PLXNA3: variants seen among roughly 807,000 people sequenced by gnomAD.
The protein encoded by PLXNA3 is plexin-A3.
In PLXNA3, 52 loss-of-function variants were observed where a neutral mutation model predicts 118.8. The observed-to-expected ratio is 0.44, with a 90% CI of 0.35 to 0.55. The LOEUF (loss-of-function observed/expected upper bound fraction) is 0.55. Among genes scored for constraint, PLXNA3 ranks in the 20% least tolerant of loss-of-function variants. The pLI, the probability that PLXNA3 is intolerant of heterozygous loss-of-function variation, is 0.01. For missense variants in PLXNA3, 1,660 were observed against 1,730.8 expected (o/e 0.96, Z 0.73); for synonymous variants, 925 against 762.4 (o/e 1.21, Z -3.51).
At chrX:154,459,202 C>G (rs1357842520) in intron 1 of PLXNA3, among the ~76,000 whole-genome samples, 1 of 105,791 alleles carries the variant, frequency 9.5e-6, no homozygotes, top group African/African-American at 3.5e-5. Context: ...TGGGTACCTC[C>G]TATCTCCCCC....
At position 154,460,444 on chromosome X, in the gene PLXNA3, C is replaced by G. The variant is rs782772377; in HGVS notation, c.261C>G (p.Ala87=). 8 of 1,203,645 alleles carry G rather than the reference C, an allele frequency of 6.6e-6. No homozygotes were observed. Among genetic ancestry groups the G allele is most frequent in the Non-Finnish European group, 7.9e-6 (7 of 890,397 alleles). Residue 87 remains alanine, a synonymous_variant, in exon 2 of 33, where the codon GCC becomes GCG. Transcript: ENST00000369682. ...CGCCCCCCAGCATGCGCGTGTGTGCCCACCGCCTGGCCCCCGTGGACAACA... is the reference window on the plus strand; with the variant it reads ...CGCCCCCCAGCATGCGCGTGTGTGCGCACCGCCTGGCCCCCGTGGACAACA... ...CYPPPSMRVC[A]HRLAPVDNIN...
intron 27 of PLXNA3, 27 bp from the exon 28 acceptor site, chrX:154,469,661 G>GC (rs782695943): frequency 3.4e-6 from 4 of 1,171,851 alleles, no homozygotes; most frequent in South Asian, 3.6e-5. Context: ...TTCCTGCACT[G>GC]CCCCCCTCTG....
In PLXNA3 at chrX:154,462,115, T is replaced by C; in HGVS notation, c.1135-13T>C. The C allele has an allele frequency of 2.6e-6, 3 of 1,166,946 alleles. No individual in the cohort carries two copies. The highest frequency in any genetic ancestry group is 3.4e-6 in the Non-Finnish European group (3 of 871,808). On this transcript the variant is annotated splice_polypyrimidine_tract_variant and intron_variant, in intron 3 of 32. Coordinates refer to ENST00000369682, the MANE Select transcript of PLXNA3 (RefSeq NM_017514.5). ...AGCTTTGACTCTCACGGGTTCCTCC[T>C]CTGTTTCACCAGCCCATGCAGATCA... is the stretch of plus-strand genomic sequence containing the variant.
In PLXNA3 at chrX:154,465,233, G is replaced by A. The variant is rs782687440; in HGVS notation, c.2244+15G>A. 2.9e-5 allele frequency: 34 copies of A among 1,189,241 alleles called. No individual in the cohort carries two copies. The highest frequency in any genetic ancestry group is 3.2e-5 in the Non-Finnish European group (28 of 880,489). On this transcript the variant is annotated intron_variant, in intron 11 of 32. Coordinates refer to ENST00000369682, the MANE Select transcript of PLXNA3 (RefSeq NM_017514.5). Reference sequence around the variant, plus strand: ...AGAACGCCTCGGTGAGGTCCCACCCGCTGCCTCCCTTCGGGGTCTGGGCTG... The same window carrying A: ...AGAACGCCTCGGTGAGGTCCCACCCACTGCCTCCCTTCGGGGTCTGGGCTG...
At position 154,466,641 on chromosome X, in the gene PLXNA3, C is replaced by T. The variant is rs782502790; in HGVS notation, c.2955C>T (p.Ile985=). 2.5e-6 allele frequency: 3 copies of T among 1,203,441 alleles called. No individual in the cohort carries two copies. The highest frequency in any genetic ancestry group is 3.0e-5 in the East Asian group (1 of 33,595). ...CQFVRRDAKA[I]VCISPLSTLG... ...AATGTAGGAGAGATGCCAAGGCGAT[C>T]GTGTGCATCTCACCTCTCTCCACCC... The change falls in exon 17 of 33, where the codon ATC becomes ATT. Residue 985 remains isoleucine (I), a synonymous_variant. Transcript: ENST00000369682.
Position 154,471,149 on chromosome X carries a change from T to G in PLXNA3, c.5201T>G (p.Phe1734Cys). ...GTGAATGTGATCAAGAACCCGCAGTTCGTGTTCGACATCCACAAGAACAGC... is the reference window on the plus strand; with the variant it reads ...GTGAATGTGATCAAGAACCCGCAGTGCGTGTTCGACATCCACAAGAACAGC... The part of the protein sequence containing the change: ...FWVNVIKNPQ[F>C]VFDIHKNSIT... Residue 1734 changes from phenylalanine to cysteine, a missense_variant, in exon 31 of 33, where the codon TTC becomes TGC. Phe to Cys is a radical substitution (Grantham distance 205, BLOSUM62 -2). Transcript: ENST00000369682. 1 of 1,210,670 alleles carries G rather than the reference T, an allele frequency of 8.3e-7. No individual in the cohort carries two copies. Among genetic ancestry groups the G allele is most frequent in the Non-Finnish European group, 1.1e-6 (1 of 895,085 alleles).
At position 154,467,294 on chromosome X, in the gene PLXNA3, GC is replaced by G; in HGVS notation, c.3268del (p.Gln1090SerfsTer57). On this transcript the variant is annotated frameshift_variant, in exon 19 of 33. Coordinates refer to ENST00000369682, the MANE Select transcript of PLXNA3 (RefSeq NM_017514.5). LOFTEE classifies it high-confidence loss of function. ...AGGCCCCCGGCATCTTTCTTGGGCGGCCCCAGCCTCGGGCGCAAGGCGAGCA... is the reference window on the plus strand; with the variant it reads ...AGGCCCCCGGCATCTTTCTTGGGCGGCCCAGCCTCGGGCGCAAGGCGAGCA... The part of the protein sequence containing the change: ...CKAPGIFLGR[P>X]QPRAQGEHPD... 8.3e-7 allele frequency: 1 copy of G among 1,208,839 alleles called. No homozygotes were observed.
intron 1 of PLXNA3, among the ~76,000 whole-genome samples, chrX:154,459,263 C>T (rs2068895534): frequency 1.8e-5 from 2 of 109,589 alleles, no homozygotes; most frequent in Non-Finnish European, 3.8e-5. Context: ...TGTTGGCTGC[C>T]ACGACACTGC....
chrX:154,459,548 G>A (rs1557202815), intron 1 of PLXNA3, among the ~76,000 whole-genome samples: 1 of 112,514 alleles, frequency 8.9e-6, no homozygotes, highest in East Asian at 2.8e-4. Context: ...CGTGGCTGAG[G>A]GGCAGGCGCG....
rs1402171134 is a variant in PLXNA3, at chrX:154,477,369, G to A, written c.*4684G>A. Reference sequence around the variant, plus strand: ...GATAGAATCTATAAAAGAGCCCTAAGGCTGGAGACACTGTATTTTCCAGGG... The same window carrying A: ...GATAGAATCTATAAAAGAGCCCTAAAGCTGGAGACACTGTATTTTCCAGGG... On this transcript the variant is annotated 3_prime_UTR_variant, in exon 33 of 33. Coordinates refer to ENST00000369682, the MANE Select transcript of PLXNA3 (RefSeq NM_017514.5). 8.9e-6 allele frequency: 1 copy of A among 112,643 alleles called. No homozygotes were observed. The highest frequency in any genetic ancestry group is 1.9e-5 in the Non-Finnish European group (1 of 53,442). 9.3% of individuals were successfully genotyped at this position (112,643 alleles called of 1,213,427 possible).
rs368738660 is a variant in PLXNA3, at chrX:154,465,421, C to T, written c.2245-3C>T. On this transcript the variant is annotated splice_region_variant and splice_polypyrimidine_tract_variant and intron_variant, in intron 11 of 32. Transcript: ENST00000369682. ...TGGGGTCCCATGGGTTCCTTTCCTC[C>T]AGTACTCCTATGAAGGTGATGAGCA... 4.0e-5 allele frequency: 48 copies of T among 1,196,237 alleles called. No homozygotes were observed. The East Asian group carries it at 1.1e-3, about 27-fold the overall frequency.
chrX:154,471,719 T>C lies in PLXNA3; in HGVS notation c.5520+81T>C, dbSNP rs782090325. On this transcript the variant is annotated intron_variant, in intron 32 of 32. Coordinates refer to ENST00000369682, the MANE Select transcript of PLXNA3 (RefSeq NM_017514.5). ...ACAAAGGCAGGAGGGTTGGTGGGGGTTGGGGATTGTTCACGGTCTCTCCCC... is the reference window on the plus strand; with the variant it reads ...ACAAAGGCAGGAGGGTTGGTGGGGGCTGGGGATTGTTCACGGTCTCTCCCC... 4 of 960,937 alleles carry C rather than the reference T, an allele frequency of 4.2e-6. No individual in the cohort carries two copies. The Admixed American group carries it at 7.3e-5, about 17-fold the overall frequency. 79.2% of individuals were successfully genotyped at this position (960,937 alleles called of 1,213,427 possible). A position where few individuals can be genotyped will look rare whatever the true frequency, so the allele number is the denominator to read the frequency against.
At chrX:154,459,959 C>T (rs1232593471) in intron 1 of PLXNA3, among the ~76,000 whole-genome samples, 198 bp from the exon 2 acceptor site, 2 of 113,062 alleles carry the variant, frequency 1.8e-5, no homozygotes, top group African/African-American at 6.4e-5. Context: ...CCTCCTGGCT[C>T]CTTTCCAGCA....
chrX:154,469,763 A>T lies in PLXNA3; in HGVS notation c.4774A>T (p.Thr1592Ser), dbSNP rs1557208709. ...TAACATGGCCAACTCCTTCACCTTCACCCGCTCCCTCAGCCGCTACGGTAG... is the reference window on the plus strand; with the variant it reads ...TAACATGGCCAACTCCTTCACCTTCTCCCGCTCCCTCAGCCGCTACGGTAG... ...AYNMANSFTF[T>S]RSLSRYESLL... The change falls in exon 28 of 33, where the codon ACC becomes TCC. Residue 1592 changes from threonine to serine, a missense_variant. Transcript: ENST00000369682. 1.1e-5 allele frequency: 13 copies of T among 1,207,854 alleles called. No individual in the cohort carries two copies. Among genetic ancestry groups the T allele is most frequent in the Non-Finnish European group, 1.5e-5 (13 of 892,683 alleles).
Position 154,472,774 on chromosome X carries a change from C to A in PLXNA3, c.*89C>A. ...GCTGGCTCAAGCCTGGGTCCCCGGGCTGAGCCCTGGATTGGGTATCGTGGG... is the reference window on the plus strand; with the variant it reads ...GCTGGCTCAAGCCTGGGTCCCCGGGATGAGCCCTGGATTGGGTATCGTGGG... On this transcript the variant is annotated 3_prime_UTR_variant, in exon 33 of 33. Transcript: ENST00000369682. 1 of 684,269 alleles carries A rather than the reference C, an allele frequency of 1.5e-6. No individual in the cohort carries two copies. The highest frequency in any genetic ancestry group is 2.4e-6 in the Non-Finnish European group (1 of 425,171). The allele number at this position is 684,269 out of a possible 1,213,427, so 56.4% of individuals were successfully genotyped here.
rs1603391757 is a variant in PLXNA3 at position 154,464,689 on chromosome X, C to T, written c.1929-65C>T. ...TTCTTCCTTCAGTTCCCGATGTGTCCTATTGGGGAGCAGTGAGGGGCAGTG... is the reference window on the plus strand; with the variant it reads ...TTCTTCCTTCAGTTCCCGATGTGTCTTATTGGGGAGCAGTGAGGGGCAGTG... On this transcript the variant is annotated intron_variant, in intron 9 of 32. Transcript: ENST00000369682. 22 of 806,367 alleles carry T rather than the reference C, an allele frequency of 2.7e-5. No homozygotes were observed. The East Asian group carries it at 6.9e-4, about 25-fold the overall frequency. The allele number at this position is 806,367 out of a possible 1,213,427, so 66.5% of individuals were successfully genotyped here.
chrX:154,466,234 C>T lies in PLXNA3; in HGVS notation c.2763C>T (p.Asp921=). 1 of 1,209,540 alleles carries T rather than the reference C, an allele frequency of 8.3e-7. No individual in the cohort carries two copies. The highest frequency in any genetic ancestry group is 1.8e-5 in the South Asian group (1 of 57,031). The part of the protein sequence containing the change: ...VELCVGDCSA[D]FRTQSEQVYS... ...TGTGTGTGGGTGACTGTTCAGCCGA[C>T]TTCCGCACGCAGTCGGAGCAGGTCT... The change falls in exon 15 of 33, where the codon GAC becomes GAT. Residue 921 remains aspartate (D), a synonymous_variant. Coordinates refer to ENST00000369682, the MANE Select transcript of PLXNA3 (RefSeq NM_017514.5).
rs781804006 is a variant in PLXNA3 at position 154,460,771 on chromosome X, C to G, written c.588C>G (p.Phe196Leu). The change falls in exon 2 of 33, where the codon TTC (phenylalanine) becomes TTG (leucine). Residue 196 changes from phenylalanine to leucine, a missense_variant. Phe to Leu is a conservative substitution (Grantham distance 22). Coordinates refer to ENST00000369682, the MANE Select transcript of PLXNA3 (RefSeq NM_017514.5). ...GTGATGAAGACAGCGCGGACATGTT[C>G]AGTCTCGTGCGTGAGCCTTCCTTCT... The part of the protein sequence containing the change: ...LISDEDSADM[F>L]SLVYQDEFVS... 3 of 1,102,444 alleles carry G rather than the reference C, an allele frequency of 2.7e-6. No individual in the cohort carries two copies. Among genetic ancestry groups the G allele is most frequent in the Non-Finnish European group, 2.4e-6 (2 of 839,230 alleles). 90.9% of individuals were successfully genotyped at this position (1,102,444 alleles called of 1,213,427 possible). A position where few individuals can be genotyped will look rare whatever the true frequency, so the allele number is the denominator to read the frequency against.
chrX:154,460,086 G>T, intron 1 of PLXNA3, 71 bp from the exon 2 acceptor site: 1 of 570,244 alleles, frequency 1.8e-6, no homozygotes, highest in Non-Finnish European at 2.8e-6. Context: ...GGGCTTTGGC[G>T]GGGTGGTGGG....
Sources: allele counts gnomAD v4.1 joint callset (sites outside exome capture counted in the v4.1 genomes callset), GRCh38; gene constraint gnomAD v4.1.1; transcripts MANE v1.5; gene names NCBI Gene and HGNC (gene_info 2026-07-23, HGNC 2026-07-21).